The following AUTS2 variants were observed in gnomAD, a reference collection of about 807,000 sequenced individuals.
The protein encoded by AUTS2 is autism susceptibility gene 2 protein.
Under a neutral mutation model 112.4 loss-of-function variants are expected in AUTS2, and 17 were observed. The observed-to-expected ratio is 0.15, with a 90% confidence interval of 0.10 to 0.23. The LOEUF is 0.23. Ranked by LOEUF, AUTS2 falls within the 10% of genes least tolerant of loss-of-function variation. The probability of loss-of-function intolerance (pLI) is 1.00; values close to 1 mark genes in which losing one functional copy is unlikely to be tolerated. For missense variants in AUTS2, 1,510 were observed against 1,701.6 expected (o/e 0.89, Z 1.98); for synonymous variants, 751 against 702.7 (o/e 1.07, Z -1.09).
At chr7:69,658,995 T>C (rs1401013673) in intron 1 of AUTS2, among the ~76,000 whole-genome samples, 2 of 152,290 alleles carry the variant, frequency 1.3e-5, no homozygotes, top group African/African-American at 4.8e-5. Context: ...AGATGAGATA[T>C]AGGTAAAGTT....
rs1038608411 is a variant in AUTS2, at chr7:69,826,873, G to A, written c.310-72413G>A. Among the ~76,000 whole-genome samples the A allele has an allele frequency of 3.3e-5, 5 of 152,114 alleles. No homozygotes were observed. The East Asian group carries it at 9.6e-4, about 29-fold the overall frequency. ...TTTCCTTCCTCCAACAAATTATTGAGTGTCTAGTATGTGTTCTATGCTGTC... is the reference window on the plus strand; with the variant it reads ...TTTCCTTCCTCCAACAAATTATTGAATGTCTAGTATGTGTTCTATGCTGTC... On this transcript the variant is annotated intron_variant, in intron 1 of 18. Transcript: ENST00000342771.
chr7:70,583,085 G>A (rs1402409125), intron 5 of AUTS2, among the ~76,000 whole-genome samples: 4 of 152,122 alleles, frequency 2.6e-5, no homozygotes, highest in Non-Finnish European at 5.9e-5. Context: ...AAACCAGCTC[G>A]CTCAGACCTT....
intron 1 of AUTS2, among the ~76,000 whole-genome samples, chr7:69,653,657 T>TC (rs1367933773): frequency 1.1e-4 from 17 of 152,104 alleles, no homozygotes; most frequent in African/African-American, 4.1e-4. Flanking sequence ...TTTTTTTTTT[T>TC]CATGCTCCTT....
chr7:69,768,201 G>A (rs959414280), intron 1 of AUTS2, among the ~76,000 whole-genome samples: 3 of 152,176 alleles, frequency 2.0e-5, no homozygotes, highest in African/African-American at 4.8e-5. Context: ...CGAAATAGCC[G>A]TTTGACAACA....
chr7:70,528,760 G>A (rs972352904), intron 5 of AUTS2, among the ~76,000 whole-genome samples: 3 of 151,132 alleles, frequency 2.0e-5, no homozygotes, highest in Non-Finnish European at 4.4e-5. Flanking sequence ...TTATGCCTGC[G>A]AATAGCCACT....
At chr7:70,445,816 A>G (rs1796296146) in intron 5 of AUTS2, among the ~76,000 whole-genome samples, 1 of 152,218 alleles carries the variant, frequency 6.6e-6, no homozygotes, top group South Asian at 2.1e-4. Context: ...CCTAGCATGT[A>G]CTTGACACAT....
At chr7:70,131,556 G>A (rs1299308823) in intron 3 of AUTS2, among the ~76,000 whole-genome samples, 1 of 152,068 alleles carries the variant, frequency 6.6e-6, no homozygotes, top group African/African-American at 2.4e-5. Flanking sequence ...ATATACATCT[G>A]TCAATAACTT....
intron 5 of AUTS2, among the ~76,000 whole-genome samples, chr7:70,540,331 G>A (rs887421569): frequency 2.0e-5 from 3 of 152,184 alleles, no homozygotes; most frequent in Non-Finnish European, 2.9e-5. Context: ...TAGCAGATAT[G>A]TGGGGAGCCT....
At chr7:70,385,888 A>G (rs1382516146) in intron 4 of AUTS2, among the ~76,000 whole-genome samples, 2 of 152,170 alleles carry the variant, frequency 1.3e-5, no homozygotes, top group Admixed American at 1.3e-4. Flanking sequence ...TGGCCCAGCT[A>G]CCACTCCACC....
chr7:70,225,090 CTA>C (rs927833213), intron 4 of AUTS2, among the ~76,000 whole-genome samples: 9 of 152,272 alleles, frequency 5.9e-5, no homozygotes, highest in African/African-American at 1.7e-4. Flanking sequence ...AATTGAAACT[CTA>C]TGTTTCTTCT....
chr7:69,834,092 T>G (rs1791616496), intron 1 of AUTS2, among the ~76,000 whole-genome samples: 1 of 152,134 alleles, frequency 6.6e-6, no homozygotes, highest in Admixed American at 6.5e-5. Flanking sequence ...TCCTTTACAC[T>G]TGCTTTAACC....
chr7:70,095,347 C>T (rs901946670), intron 2 of AUTS2, among the ~76,000 whole-genome samples: 4 of 152,132 alleles, frequency 2.6e-5, no homozygotes, highest in African/African-American at 7.2e-5. Context: ...TTCTCATACA[C>T]GCATAGAAGT....
rs184959340 is a variant in AUTS2, at chr7:70,469,065, A to C, written c.690+33284A>C. On this transcript the variant is annotated intron_variant, in intron 5 of 18. Coordinates refer to ENST00000342771, the MANE Select transcript of AUTS2 (RefSeq NM_015570.4). ...GAAGACAGAAAGTTGTGAGGAAAAC[A>C]GATAGCTTCAGATGGCCAAGTCAGA... Among the ~76,000 whole-genome samples, 14 of 152,370 alleles carry C rather than the reference A, an allele frequency of 9.2e-5. No individual in the cohort carries two copies. The East Asian group carries it at 1.5e-3, about 17-fold the overall frequency.
intron 4 of AUTS2, among the ~76,000 whole-genome samples, chr7:70,396,309 A>G (rs1048957562): frequency 6.6e-6 from 1 of 152,112 alleles, no homozygotes; most frequent in Non-Finnish European, 1.5e-5. Context: ...TGTTTAGAGT[A>G]TTATATAACT....
chr7:69,759,054 C>T (rs1052586075), intron 1 of AUTS2, among the ~76,000 whole-genome samples: 6 of 152,128 alleles, frequency 3.9e-5, no homozygotes, highest in African/African-American at 1.4e-4. Flanking sequence ...TTTAATCTAC[C>T]TGACAACCCT....
intron 5 of AUTS2, among the ~76,000 whole-genome samples, chr7:70,624,897 T>C (rs1804857839): frequency 6.6e-6 from 1 of 152,084 alleles, no homozygotes; most frequent in South Asian, 2.1e-4. Flanking sequence ...TAAGTCCCCA[T>C]AGGTTTTTTT....
intron 4 of AUTS2, among the ~76,000 whole-genome samples, chr7:70,176,798 A>G (rs10256186): frequency 0.3 from 46,013 of 151,986 alleles, 7,249 homozygotes; most frequent in African/African-American, 0.38. Flanking sequence ...TGTCTTGCAC[A>G]GCCTAGGACC....
chr7:70,287,908 T>C (rs1330144411), intron 4 of AUTS2, among the ~76,000 whole-genome samples: 2 of 152,120 alleles, frequency 1.3e-5, no homozygotes, highest in Admixed American at 6.5e-5. Context: ...GTAATACTTA[T>C]ATTTCAGCCC....
At chr7:69,969,125 C>T (rs955894340) in intron 2 of AUTS2, among the ~76,000 whole-genome samples, 55 of 152,082 alleles carry the variant, frequency 3.6e-4, no homozygotes, top group African/African-American at 1.3e-3. Context: ...ATTTTGATAA[C>T]TGAAAACTGT....
Sources: allele counts gnomAD v4.1 joint callset (sites outside exome capture counted in the v4.1 genomes callset), GRCh38; gene constraint gnomAD v4.1.1; transcripts MANE v1.5; gene names NCBI Gene and HGNC (gene_info 2026-07-23, HGNC 2026-07-21).